The following SRPX variants were observed in gnomAD, a reference collection of about 807,000 sequenced individuals.
The protein encoded by SRPX is sushi repeat-containing protein SRPX.
In SRPX, 24 loss-of-function variants were observed where a neutral mutation model predicts 38.1. The ratio of observed to expected loss-of-function variants is 0.63; its 90% CI spans 0.46 to 0.89. The LOEUF (loss-of-function observed/expected upper bound fraction) is 0.89, where lower values mean the gene tolerates loss of function less well. Among genes scored for constraint, SRPX ranks in the 40% least tolerant of loss-of-function variants. The probability of loss-of-function intolerance (pLI) is 0.00; values close to 1 mark genes in which losing one functional copy is unlikely to be tolerated. For synonymous variants in SRPX, 184 were observed against 153.8 expected, an observed-to-expected ratio of 1.20 and a Z score of -1.45; for missense variants, 416 against 377.8, an observed-to-expected ratio of 1.10 and a Z score of -0.84.
At chrX:38,198,104 C>T (rs1159365983) in intron 1 of SRPX, among the ~76,000 whole-genome samples, 2 of 112,255 alleles carry the variant, frequency 1.8e-5, no homozygotes, top group Admixed American at 9.4e-5. Context: ...TCAACTTTTA[C>T]GCTATGAAAA....
intron 2 of SRPX, among the ~76,000 whole-genome samples, chrX:38,176,637 T>C (rs1938571696): frequency 9.0e-6 from 1 of 110,713 alleles, no homozygotes; most frequent in African/African-American, 3.3e-5. Context: ...GTACTAAAAA[T>C]GCAACATTAG....
intron 1 of SRPX, among the ~76,000 whole-genome samples, chrX:38,193,886 T>G (rs779148614): frequency 1.8e-5 from 2 of 111,732 alleles, no homozygotes; most frequent in Non-Finnish European, 3.8e-5. Context: ...TACATGAAAA[T>G]CAATGAAAAA....
intron 9 of SRPX, among the ~76,000 whole-genome samples, chrX:38,150,149 C>G (rs900458847): frequency 1.8e-5 from 2 of 112,285 alleles, no homozygotes; most frequent in Non-Finnish European, 3.8e-5. Flanking sequence ...CTATCAAGAT[C>G]CCCAGATGAC....
chrX:38,183,614 A>G (rs767769491), intron 1 of SRPX, among the ~76,000 whole-genome samples: 5 of 111,878 alleles, frequency 4.5e-5, no homozygotes, highest in Non-Finnish European at 9.4e-5. Flanking sequence ...AATTTTTCAA[A>G]AGGAAGAAAA....
In SRPX at chrX:38,178,426, A is replaced by G. The variant is rs1938607548; in HGVS notation, c.98-82T>C. ...ATTTCAAAGCATTCCTTTGCCACAG[A>G]CCATGCAGGAGGTGCTATTAGAATG... is the stretch of plus-strand genomic sequence containing the variant. On this transcript the variant is annotated intron_variant, in intron 1 of 9. Coordinates refer to ENST00000378533, the MANE Select transcript of SRPX (RefSeq NM_006307.5). The G allele has an allele frequency of 5.9e-6, 5 of 841,230 alleles. No individual in the cohort carries two copies. The Admixed American group carries it at 1.2e-4, about 20-fold the overall frequency. The allele number at this position is 841,230 out of a possible 1,213,427, so 69.3% of individuals were successfully genotyped here. A position where few individuals can be genotyped will look rare whatever the true frequency, so the allele number is the denominator to read the frequency against.
chrX:38,184,607 A>T (rs1468798576), intron 1 of SRPX, among the ~76,000 whole-genome samples: 1 of 111,601 alleles, frequency 9.0e-6, no homozygotes, highest in Non-Finnish European at 1.9e-5. Flanking sequence ...GCCTTTTGGT[A>T]CTAGCATGCT....
intron 1 of SRPX, among the ~76,000 whole-genome samples, chrX:38,208,023 G>T (rs889892804): frequency 9.0e-6 from 1 of 111,663 alleles, no homozygotes; most frequent in African/African-American, 3.3e-5. Context: ...TATTGTGTAG[G>T]CCTGGCCTTC....
intron 1 of SRPX, among the ~76,000 whole-genome samples, chrX:38,216,006 GCT>G (rs1295880492): frequency 8.9e-6 from 1 of 111,958 alleles, no homozygotes; most frequent in Non-Finnish European, 1.9e-5. Flanking sequence ...TCATGAAGGT[GCT>G]CTAGTAACTA....
rs1486159715 is a variant in SRPX, at chrX:38,154,151, T to G, written c.1211+311A>C. The G allele has an allele frequency of 3.1e-5, 7 of 225,878 alleles. No homozygotes were observed. In the East Asian group the frequency reaches 5.8e-4, roughly 19 times the overall value. 18.6% of individuals were successfully genotyped at this position (225,878 alleles called of 1,213,427 possible). Reference sequence around the variant, plus strand: ...GCTCTTCTAATAAGACCATGATTGCTTAAGTCTTTTCTTCAGGTGCTCCTC... The same window carrying G: ...GCTCTTCTAATAAGACCATGATTGCGTAAGTCTTTTCTTCAGGTGCTCCTC... On this transcript the variant is annotated intron_variant, in intron 9 of 9. Coordinates refer to ENST00000378533, the MANE Select transcript of SRPX (RefSeq NM_006307.5).
intron 3 of SRPX, 43 bp from the exon 4 acceptor site, chrX:38,172,100 G>A: frequency 8.6e-7 from 1 of 1,157,868 alleles, no homozygotes. Flanking sequence ...CTTAGTTTTT[G>A]TCTATAGAGT....
chrX:38,178,396 C>T (rs370434853), intron 1 of SRPX, 52 bp from the exon 2 acceptor site: 123 of 1,062,361 alleles, frequency 1.2e-4, no homozygotes, highest in East Asian at 1.5e-4. Context: ...ATAGTATGGA[C>T]GCATATTTCA....
In SRPX at chrX:38,149,831, G is replaced by A. The variant is rs1937976396; in HGVS notation, c.1275C>T (p.Asp425=). The A allele has an allele frequency of 8.3e-7, 1 of 1,209,243 alleles. No homozygotes were observed. The highest frequency in any genetic ancestry group is 1.8e-5 in the African/African-American group (1 of 57,042). ...TCACCAGGGAGACATAGCGCTCTTTGTCCATGCCATGCTTATCCACTAGCA... is the reference window on the plus strand; with the variant it reads ...TCACCAGGGAGACATAGCGCTCTTTATCCATGCCATGCTTATCCACTAGCA... ...SMVLVDKHGM[D]KERYVSLVMP... The change falls in exon 10 of 10, where the codon GAC becomes GAT. Residue 425 remains aspartate (D), a synonymous_variant. Transcript: ENST00000378533.
intron 1 of SRPX, among the ~76,000 whole-genome samples, chrX:38,217,458 G>C (rs191536426): frequency 1.4e-3 from 157 of 111,416 alleles, no homozygotes; most frequent in African/African-American, 5.1e-3. Flanking sequence ...GAAGGAAAAT[G>C]TGACTCAGGT....
intron 5 of SRPX, among the ~76,000 whole-genome samples, chrX:38,162,860 C>T (rs1039692096): frequency 8.0e-5 from 9 of 112,632 alleles, no homozygotes; most frequent in South Asian, 3.7e-4. Context: ...AACCATATTA[C>T]GCAAGTTACC....
rs965791858 is a variant in SRPX at position 38,154,566 on chromosome X, A to G, written c.1107T>C (p.Leu369=). ...CCACCACGGTGATGTGTCGAAGATC[A>G]AGGCCACACTGTGCTTGCTGGGAAA... ...LGMLQQAQCG[L]DLRHITVVEL... The change falls in exon 9 of 10, where the codon CTT becomes CTC. Residue 369 remains leucine, a synonymous_variant. Coordinates refer to ENST00000378533, the MANE Select transcript of SRPX (RefSeq NM_006307.5). 3 of 1,207,385 alleles carry G rather than the reference A, an allele frequency of 2.5e-6. No homozygotes were observed. The highest frequency in any genetic ancestry group is 3.4e-6 in the Non-Finnish European group (3 of 894,098).
rs758691654 is a variant in SRPX at position 38,153,701 on chromosome X, ACT to A, written c.1211+759_1211+760del. On this transcript the variant is annotated intron_variant, in intron 9 of 9. Coordinates refer to ENST00000378533, the MANE Select transcript of SRPX (RefSeq NM_006307.5). ...CATAAAGGAGTCAGTGTGAGTTTTT[ACT>A]CTCTTTCCCCACTTTTGCAGAAGCC... Among the ~76,000 whole-genome samples the A allele has an allele frequency of 7.1e-4, 79 of 110,591 alleles. 1 individual carries two copies. Among genetic ancestry groups the A allele is most frequent in the South Asian group, 1.5e-3 (4 of 2,598 alleles).
intron 9 of SRPX, among the ~76,000 whole-genome samples, chrX:38,153,378 C>A (rs1330443712): frequency 1.1e-5 from 1 of 89,582 alleles, no homozygotes; most frequent in Non-Finnish European, 2.1e-5. Flanking sequence ...TGGTACAAAT[C>A]AAACATGGGA....
intron 1 of SRPX, among the ~76,000 whole-genome samples, chrX:38,199,969 A>G (rs1475204229): frequency 1.8e-5 from 2 of 112,571 alleles, no homozygotes; most frequent in Non-Finnish European, 3.7e-5. Flanking sequence ...CAGAATGTAG[A>G]TGTTAACACA....
At chrX:38,219,193 G>A (rs1051349587) in intron 1 of SRPX, among the ~76,000 whole-genome samples, 6 of 110,757 alleles carry the variant, frequency 5.4e-5, no homozygotes, top group African/African-American at 1.3e-4. Flanking sequence ...GAGGGCAGGG[G>A]AGGAGAACGG....
Sources: allele counts gnomAD v4.1 joint callset (sites outside exome capture counted in the v4.1 genomes callset), GRCh38; gene constraint gnomAD v4.1.1; transcripts MANE v1.5; gene names NCBI Gene and HGNC (gene_info 2026-07-23, HGNC 2026-07-21).